HPSE2: variants seen among roughly 807,000 people sequenced by gnomAD.
The protein encoded by HPSE2 is inactive heparanase-2.
A neutral mutation model predicts 60.5 loss-of-function variants in HPSE2; 38 were observed. The ratio of observed to expected loss-of-function variants is 0.63; its 90% CI spans 0.48 to 0.82. HPSE2 has a LOEUF of 0.82. Among genes scored for constraint, HPSE2 ranks in the 40% least tolerant of loss-of-function variants. The pLI is 0.00. For synonymous variants in HPSE2, 295 were observed against 293.2 expected (o/e 1.01, Z -0.06); for missense variants, 713 against 740.4 (o/e 0.96, Z 0.43).
intron 9 of HPSE2, among the ~76,000 whole-genome samples, chr10:98,570,006 G>A (rs1179074940): frequency 6.6e-6 from 1 of 152,182 alleles, no homozygotes; most frequent in African/African-American, 2.4e-5. Context: ...TAAGTGTTAA[G>A]AGGTCTTCTC....
At chr10:98,574,524 T>C (rs1944588978) in intron 9 of HPSE2, among the ~76,000 whole-genome samples, 1 of 152,102 alleles carries the variant, frequency 6.6e-6, no homozygotes. Context: ...AAAGTCCAAA[T>C]GGAATTGGGC....
intron 3 of HPSE2, among the ~76,000 whole-genome samples, chr10:99,117,593 TG>T (rs1289872962): frequency 4.6e-5 from 7 of 151,988 alleles, no homozygotes. Context: ...AACATCTCTA[TG>T]CACATAAACT....
chr10:99,248,453 A>G, the HPSE2 span, among the ~76,000 whole-genome samples: 14 of 152,232 alleles, frequency 9.2e-5, no homozygotes. Flanking sequence ...TAAGCAGCAA[A>G]GCATTCAAGA....
chr10:98,730,937 C>A (rs896622202), intron 4 of HPSE2, among the ~76,000 whole-genome samples: 1 of 152,128 alleles, frequency 6.6e-6, no homozygotes, highest in African/African-American at 2.4e-5. Context: ...AGAGGGAACA[C>A]TTTTCAACTT....
At chr10:98,567,164 G>A (rs921617797) in intron 9 of HPSE2, among the ~76,000 whole-genome samples, 24 of 152,176 alleles carry the variant, frequency 1.6e-4, no homozygotes, top group African/African-American at 5.6e-4. Context: ...GACACAGGTA[G>A]CCCAAGCAAC....
chr10:98,890,538 C>A (rs1417779112), intron 3 of HPSE2, among the ~76,000 whole-genome samples: 6 of 151,614 alleles, frequency 4.0e-5, no homozygotes, highest in Non-Finnish European at 7.4e-5. Flanking sequence ...AAACTGTAGT[C>A]AATATTTGAA....
intron 3 of HPSE2, among the ~76,000 whole-genome samples, chr10:99,007,819 G>A (rs962568254): frequency 3.3e-5 from 5 of 152,154 alleles, no homozygotes; most frequent in Non-Finnish European, 7.4e-5. Flanking sequence ...GAGAAAGCAG[G>A]AGCAGTGAGG....
chr10:99,288,425 A>C, the HPSE2 span, among the ~76,000 whole-genome samples: 1 of 152,218 alleles, frequency 6.6e-6, no homozygotes, highest in African/African-American at 2.4e-5. Flanking sequence ...CTAAGCTTTT[A>C]GAATTTAATT....
At chr10:98,755,450 A>G (rs1287998535) in intron 3 of HPSE2, among the ~76,000 whole-genome samples, 2 of 152,188 alleles carry the variant, frequency 1.3e-5, no homozygotes, top group African/African-American at 4.8e-5. Flanking sequence ...CACTGACAGT[A>G]TTAGATCATC....
chr10:99,274,685 A>T, the HPSE2 span, among the ~76,000 whole-genome samples: 130,253 of 152,200 alleles, frequency 0.86, 56,100 homozygotes, highest in African/African-American at 0.92. Flanking sequence ...AGCAGCTGGA[A>T]GCTTTCAGAA....
At chr10:98,490,733 G>A (rs1279695175) in intron 9 of HPSE2, among the ~76,000 whole-genome samples, 1 of 152,142 alleles carries the variant, frequency 6.6e-6, no homozygotes, top group Non-Finnish European at 1.5e-5. Flanking sequence ...TGATTCCAGA[G>A]CCAGAAAGGC....
Position 98,781,194 on chromosome 10 carries a change from C to T in HPSE2, c.611-37138G>A, listed in dbSNP as rs1394200285. ...GATTTAGTGCTACAGCATAGCATAG[C>T]TTATTTTTATTAATACATCTTGCTT... On this transcript the variant is annotated intron_variant, in intron 3 of 11. Coordinates refer to ENST00000370552, the MANE Select transcript of HPSE2 (RefSeq NM_021828.5). Among the ~76,000 whole-genome samples, 3 of 151,108 alleles carry T rather than the reference C, an allele frequency of 2.0e-5. No individual in the cohort carries two copies. In the East Asian group the frequency reaches 5.8e-4, roughly 29 times the overall value.
intron 3 of HPSE2, among the ~76,000 whole-genome samples, chr10:99,035,925 C>T (rs780725148): frequency 6.6e-6 from 1 of 152,218 alleles, no homozygotes; most frequent in Non-Finnish European, 1.5e-5. Context: ...AAACACCATT[C>T]TCTAGGCTGA....
intron 2 of HPSE2, among the ~76,000 whole-genome samples, chr10:99,145,327 C>T (rs1049594171): frequency 1.2e-4 from 18 of 151,600 alleles, no homozygotes; most frequent in African/African-American, 3.9e-4. Flanking sequence ...TGTGGTGGCA[C>T]ACACCTGTAG....
At chr10:99,285,140 T>A in the HPSE2 span, among the ~76,000 whole-genome samples, 14 of 152,108 alleles carry the variant, frequency 9.2e-5, no homozygotes, top group African/African-American at 3.4e-4. Context: ...ATTTTTTAAA[T>A]GGACAATGGG....
intron 9 of HPSE2, among the ~76,000 whole-genome samples, chr10:98,564,402 A>G (rs1944279072): frequency 6.6e-6 from 1 of 152,216 alleles, no homozygotes; most frequent in African/African-American, 2.4e-5. Context: ...TAGTATTTGC[A>G]GAGAACATGG....
At chr10:99,020,171 C>T (rs1957231048) in intron 3 of HPSE2, among the ~76,000 whole-genome samples, 1 of 152,112 alleles carries the variant, frequency 6.6e-6, no homozygotes, top group African/African-American at 2.4e-5. Context: ...ACTTACTCTA[C>T]ATCAGGCATT....
At chr10:98,470,079 G>T (rs890191796) in intron 11 of HPSE2, among the ~76,000 whole-genome samples, 2 of 150,410 alleles carry the variant, frequency 1.3e-5, no homozygotes, top group Non-Finnish European at 2.9e-5. Context: ...TCTACAGGTG[G>T]AGTGAAGACA....
rs546327174 is a variant in HPSE2, at chr10:98,681,358, A to G, written c.1004+12542T>C. 1.1e-4 allele frequency among the ~76,000 whole-genome samples: 16 copies of G among 152,304 alleles called. No homozygotes were observed. In the East Asian group the frequency reaches 3.1e-3, roughly 29 times the overall value. On this transcript the variant is annotated intron_variant, in intron 6 of 11. Transcript: ENST00000370552. ...TGAATGTGATTTAAAAAAATATTTT[A>G]TAATGAAATGCATCAACATTTGGAA...
Sources: gnomAD v4.1 joint callset for allele counts (sites outside exome capture counted in the v4.1 genomes callset) on GRCh38, gnomAD v4.1.1 for gene constraint, MANE v1.5 for transcripts, NCBI Gene and HGNC (gene_info 2026-07-23, HGNC 2026-07-21) for gene names.